EYS: variants seen among roughly 807,000 people sequenced by gnomAD.
EYS encodes EGF-like photoreceptor maintenance factor.
EYS carries 250 observed loss-of-function variants against 282.1 expected under a neutral mutation model. That is an observed-to-expected ratio of 0.89 (90% CI 0.80 to 0.98). EYS has a LOEUF of 0.98. Ranked by LOEUF, EYS falls within the 50% of genes least tolerant of loss-of-function variation. EYS has a pLI of 0.00. For synonymous variants in EYS, 1,355 were observed against 1,282.9 expected (o/e 1.06, Z -1.20); for missense variants, 4,016 against 3,709.0 (o/e 1.08, Z -2.15).
At chr6:65,545,147 A>C (rs943779676) in intron 2 of EYS, among the ~76,000 whole-genome samples, 2 of 152,048 alleles carry the variant, frequency 1.3e-5, no homozygotes, top group Non-Finnish European at 1.5e-5. Flanking sequence ...AAAAGAAAAA[A>C]GTTGCCTCTA....
chr6:65,221,609 C>A (rs777342837), intron 12 of EYS, among the ~76,000 whole-genome samples: 2 of 152,210 alleles, frequency 1.3e-5, no homozygotes, highest in Non-Finnish European at 2.9e-5. Flanking sequence ...CATGGAGAAC[C>A]TCTGCTAGGT....
At chr6:64,905,309 T>C (rs1767788780) in intron 16 of EYS, among the ~76,000 whole-genome samples, 1 of 152,222 alleles carries the variant, frequency 6.6e-6, no homozygotes, top group Non-Finnish European at 1.5e-5. Context: ...GGTACTTGTT[T>C]TGAATATATG....
intron 42 of EYS, 118 bp downstream of exon 42, chr6:63,726,400 AG>A: frequency 1.2e-6 from 1 of 844,714 alleles, no homozygotes; most frequent in Non-Finnish European, 1.8e-6. Context: ...CAGTGACAAT[AG>A]AACATAAAAG....
At chr6:64,891,393 G>A (rs528506157) in intron 18 of EYS, among the ~76,000 whole-genome samples, 1 of 151,886 alleles carries the variant, frequency 6.6e-6, no homozygotes, top group Non-Finnish European at 1.5e-5. Flanking sequence ...CCCTCCACCT[G>A]CCCTGCCCTG....
In EYS at chr6:64,300,287, C is replaced by T. The variant is rs187144985; in HGVS notation, c.6191+6683G>A. ...GGCCGACAGGGGCCGCGGCAGGGGG[C>T]AGAAGCAACACAGACAAAAAGCAGC... is the stretch of plus-strand genomic sequence containing the variant. On this transcript the variant is annotated intron_variant, in intron 30 of 42. Transcript: ENST00000503581. Among the ~76,000 whole-genome samples, 25 of 152,216 alleles carry T rather than the reference C, an allele frequency of 1.6e-4. No individual in the cohort carries two copies. In the South Asian group the frequency reaches 2.5e-3, roughly 15 times the overall value.
chr6:64,733,094 C>A (rs1772028316), intron 22 of EYS: 1 of 152,214 alleles, frequency 6.6e-6, no homozygotes, highest in South Asian at 2.1e-4. Flanking sequence ...GCTATGCACA[C>A]ATTCCTGAGC....
intron 5 of EYS, among the ~76,000 whole-genome samples, chr6:65,432,875 A>G (rs1002706060): frequency 3.3e-5 from 5 of 152,182 alleles, no homozygotes; most frequent in Middle Eastern, 3.4e-3. Flanking sequence ...TTTCTGAGGG[A>G]TTAAGTAAGA....
chr6:63,991,217 C>T (rs1365065494), intron 34 of EYS, among the ~76,000 whole-genome samples: 1 of 151,650 alleles, frequency 6.6e-6, no homozygotes, highest in Non-Finnish European at 1.5e-5. Flanking sequence ...TGGAGAGGAC[C>T]TCAGACTGAC....
At chr6:65,220,723 T>C (rs1045236172) in intron 12 of EYS, among the ~76,000 whole-genome samples, 36 of 151,958 alleles carry the variant, frequency 2.4e-4, no homozygotes, top group Admixed American at 2.4e-3. Flanking sequence ...CATGCAGAGG[T>C]TGGAACAGTT....
chr6:64,636,045 C>T (rs1038231744), intron 22 of EYS, among the ~76,000 whole-genome samples: 1 of 151,972 alleles, frequency 6.6e-6, no homozygotes, highest in Non-Finnish European at 1.5e-5. Flanking sequence ...ATCCCATCCC[C>T]ATCAAGCTAT....
intron 19 of EYS, among the ~76,000 whole-genome samples, chr6:64,856,677 A>G (rs1397460947): frequency 6.6e-6 from 1 of 152,146 alleles, no homozygotes; most frequent in East Asian, 1.9e-4. Context: ...GTTTCTTAAC[A>G]TATGCACGTT....
intron 26 of EYS, among the ~76,000 whole-genome samples, chr6:64,480,312 A>T (rs965786407): frequency 9.9e-5 from 15 of 151,806 alleles, no homozygotes; most frequent in African/African-American, 3.6e-4. Flanking sequence ...TCATTAAACA[A>T]CTCTATTACC....
intron 2 of EYS, among the ~76,000 whole-genome samples, chr6:65,518,856 T>C (rs1019921832): frequency 3.3e-5 from 5 of 152,082 alleles, no homozygotes; most frequent in Non-Finnish European, 7.4e-5. Flanking sequence ...CTGTGAGACT[T>C]ACTATCATGA....
Position 64,603,861 on chromosome 6 carries a change from C to CTGTGTGTGTG in EYS, c.3685-10562_3685-10553dup, listed in dbSNP as rs34430318. ...GTATACTACTAAAGTAAATGAATAC[C>CTGTGTGTGTG]TGTGTGTGTGTGTGTGTGTGTGTGT... On this transcript the variant is annotated intron_variant, in intron 24 of 42. Transcript: ENST00000503581. Among the ~76,000 whole-genome samples the CTGTGTGTGTG allele has an allele frequency of 5.3e-3, 790 of 148,240 alleles. 7 individuals are homozygous for CTGTGTGTGTG. The highest frequency in any genetic ancestry group is 0.015 in the African/African-American group (619 of 40,670).
chr6:65,173,528 T>C (rs1765159554), intron 12 of EYS, among the ~76,000 whole-genome samples: 1 of 151,272 alleles, frequency 6.6e-6, no homozygotes, highest in Admixed American at 6.6e-5. Flanking sequence ...ACCTTTGAAG[T>C]ACAACTTTAC....
At chr6:64,997,265 C>T (rs1194025451) in intron 14 of EYS, among the ~76,000 whole-genome samples, 1 of 152,096 alleles carries the variant, frequency 6.6e-6, no homozygotes, top group Non-Finnish European at 1.5e-5. Context: ...GCCGTTAAGA[C>T]TCACACAGTG....
chr6:64,853,032 C>T (rs1470002107), intron 19 of EYS, among the ~76,000 whole-genome samples: 1 of 152,070 alleles, frequency 6.6e-6, no homozygotes. Context: ...ATTTTTGTTT[C>T]TTTCTTGCCT....
intron 5 of EYS, among the ~76,000 whole-genome samples, chr6:65,482,925 C>A (rs1765657598): frequency 6.6e-6 from 1 of 152,144 alleles, no homozygotes; most frequent in Admixed American, 6.5e-5. Flanking sequence ...ATCAAATTCA[C>A]ACTTGAAAAT....
chr6:64,591,154 T>A lies in EYS; in HGVS notation c.4713A>T (p.Ser1571=). 2 of 1,551,374 alleles carry A rather than the reference T, an allele frequency of 1.3e-6. No homozygotes were observed. The highest frequency in any genetic ancestry group is 1.7e-6 in the Non-Finnish European group (2 of 1,146,780). Residue 1571 remains serine, a synonymous_variant, in exon 26 of 43, where the codon TCA becomes TCT. Coordinates refer to ENST00000503581, the MANE Select transcript of EYS (RefSeq NM_001142800.2). The part of the protein sequence containing the change: ...MTEIKSSREF[S]DQVLHSKQSH... ...ACTGTTTGCTATGCAAAACTTGATC[T>A]GAGAATTCACGAGAGGATTTTATTT...
Sources: allele counts gnomAD v4.1 joint callset (sites outside exome capture counted in the v4.1 genomes callset), GRCh38; gene constraint gnomAD v4.1.1; transcripts MANE v1.5; gene names NCBI Gene and HGNC (gene_info 2026-07-23, HGNC 2026-07-21).